The following CYP2B6 variants were observed in gnomAD, a reference collection of about 807,000 sequenced individuals.
CYP2B6 encodes the protein cytochrome P450 2B6.
A neutral mutation model predicts 43.4 loss-of-function variants in CYP2B6; 35 were observed. The observed-to-expected ratio is 0.81, with a 90% CI of 0.62 to 1.07. The LOEUF is 1.07. Ranked by LOEUF, CYP2B6 falls within the 50% of genes least tolerant of loss-of-function variation. The pLI, the probability that CYP2B6 is intolerant of heterozygous loss-of-function variation, is 0.00. For missense variants in CYP2B6, 624 were observed against 632.8 expected (o/e 0.99, Z 0.15); for synonymous variants, 239 against 239.2 (o/e 1.00, Z 0.01).
intron 8 of CYP2B6, among the ~76,000 whole-genome samples, chr19:41,014,975 T>C (rs563177438): frequency 6.6e-6 from 1 of 151,640 alleles, no homozygotes; most frequent in Non-Finnish European, 1.5e-5. Flanking sequence ...AAATAAGGTA[T>C]CTTTAGAGGG....
At chr19:41,007,133 A>T in intron 4 of CYP2B6, 68 bp downstream of exon 4, 2 of 1,502,434 alleles carry the variant, frequency 1.3e-6, no homozygotes, top group Non-Finnish European at 9.3e-7. Flanking sequence ...CGAGAAAAGG[A>T]TGACCTGTCT....
chr19:41,016,433 A>AAAAAAG, intron 8 of CYP2B6, among the ~76,000 whole-genome samples: 1 of 99,006 alleles, frequency 1.0e-5, no homozygotes, highest in South Asian at 3.3e-4. Context: ...AAAAAAAAAA[A>AAAAAAG]AGAGAGAGAG....
At position 41,011,818 on chromosome 19, in the gene CYP2B6, T is replaced by A. The variant is rs537859316; in HGVS notation, c.965-480T>A. ...ATTAGATTTCAAGCAGTGAGAATTC[T>A]TGTTGCTTCCTCCCTCCTCCCCTCA... On this transcript the variant is annotated intron_variant, in intron 6 of 8. Coordinates refer to ENST00000324071, the MANE Select transcript of CYP2B6 (RefSeq NM_000767.5). Among the ~76,000 whole-genome samples the A allele has an allele frequency of 3.3e-5, 5 of 152,298 alleles. No individual in the cohort carries two copies. The South Asian group carries it at 1.0e-3, about 32-fold the overall frequency.
At position 41,010,094 on chromosome 19, in the gene CYP2B6, G is replaced by A. The variant is rs758750908; in HGVS notation, c.923G>A (p.Arg308His). ...AGTETTSTTL[R>H]YGFLLMLKYP... ...ACTGAGACCACCAGCACCACTCTCC[G>A]CTACGGCTTCCTGCTCATGCTCAAA... Residue 308 changes from arginine to histidine, a missense_variant, in exon 6 of 9, where the codon CGC becomes CAC. Coordinates refer to ENST00000324071, the MANE Select transcript of CYP2B6 (RefSeq NM_000767.5). 1.5e-5 allele frequency: 24 copies of A among 1,613,818 alleles called. No homozygotes were observed. Among genetic ancestry groups the A allele is most frequent in the South Asian group, 4.4e-5 (4 of 91,078 alleles).
chr19:41,004,428 G>C lies in CYP2B6; in HGVS notation c.466G>C (p.Glu156Gln). The C allele has an allele frequency of 6.2e-7, 1 of 1,613,896 alleles. No homozygotes were observed. The highest frequency in any genetic ancestry group is 8.5e-7 in the Non-Finnish European group (1 of 1,179,990). ...IQEEAQCLIE[E>Q]LRKSKGALMD... ...GGAGGAGGCTCAGTGTCTGATAGAG[G>C]AGCTTCGGAAATCCAAGGGTGAGTC... Residue 156 changes from glutamate to glutamine, a missense_variant, in exon 3 of 9, where the codon GAG (glutamate) becomes CAG (glutamine). Physicochemically the swap from Glu to Gln is conservative, Grantham distance 29 (BLOSUM62 2). Coordinates refer to ENST00000324071, the MANE Select transcript of CYP2B6 (RefSeq NM_000767.5).
intron 4 of CYP2B6, 58 bp downstream of exon 4, chr19:41,007,123 C>T (rs944425202): frequency 1.2e-5 from 18 of 1,540,016 alleles, no homozygotes; most frequent in Admixed American, 1.7e-5. Context: ...CCAGAACACA[C>T]GAGAAAAGGA....
chr19:41,001,119 T>C (rs538464067), intron 1 of CYP2B6, among the ~76,000 whole-genome samples: 1 of 152,110 alleles, frequency 6.6e-6, no homozygotes, highest in African/African-American at 2.4e-5. Context: ...ATTTGTCCAG[T>C]GGCACACAAC....
At chr19:40,997,969 G>T (rs1435189664) in intron 1 of CYP2B6, among the ~76,000 whole-genome samples, 1 of 152,062 alleles carries the variant, frequency 6.6e-6, no homozygotes, top group Non-Finnish European at 1.5e-5. Context: ...AGGCATGGTG[G>T]CATGTGCCTG....
chr19:40,991,472 T>G lies in CYP2B6; in HGVS notation c.167T>G (p.Leu56Arg). The G allele has an allele frequency of 3.1e-6, 5 of 1,613,734 alleles. No homozygotes were observed. The highest frequency in any genetic ancestry group is 4.2e-6 in the Non-Finnish European group (5 of 1,180,012). The change falls in exon 1 of 9, where the codon CTG (leucine) becomes CGG (arginine). Residue 56 changes from leucine to arginine, a missense_variant. By Grantham distance (102) the Leu-to-Arg change is moderately radical. Transcript: ENST00000324071. ...AGAAGAGGCCTACTCAAATCCTTTC[T>G]GAGGGTAAGACACAGACGAATGGGG... Reference protein sequence around the residue: ...MDRRGLLKSFLRFREKYGDVF... With the variant: ...MDRRGLLKSFRRFREKYGDVF...
At chr19:41,008,549 G>T (rs34265963) in intron 4 of CYP2B6, among the ~76,000 whole-genome samples, 79 of 146,868 alleles carry the variant, frequency 5.4e-4, no homozygotes, top group African/African-American at 1.9e-3. Context: ...TCTGGGATGG[G>T]GCCCAAGGTG....
chr19:40,994,661 C>T (rs1229397233), intron 1 of CYP2B6, among the ~76,000 whole-genome samples: 1 of 152,050 alleles, frequency 6.6e-6, no homozygotes, highest in Non-Finnish European at 1.5e-5. Flanking sequence ...ATTACACACG[C>T]AATTGCCCAC....
At chr19:41,012,255 T>A (rs775404927) in intron 6 of CYP2B6, 43 bp from the exon 7 acceptor site, 5 of 1,600,886 alleles carry the variant, frequency 3.1e-6, no homozygotes, top group Non-Finnish European at 4.3e-6. Context: ...TGGCCTGAAA[T>A]GCCTCTTTAA....
At chr19:40,996,664 AT>A (rs1432165935) in intron 1 of CYP2B6, among the ~76,000 whole-genome samples, 2 of 152,092 alleles carry the variant, frequency 1.3e-5, no homozygotes, top group African/African-American at 4.8e-5. Context: ...TGTTTGGATC[AT>A]TTTCTCTCTT....
At chr19:41,010,572 C>A (rs1458808290) in intron 6 of CYP2B6, among the ~76,000 whole-genome samples, 1 of 151,944 alleles carries the variant, frequency 6.6e-6, no homozygotes, top group South Asian at 2.1e-4. Flanking sequence ...TGCCACCACA[C>A]CCGGCTAATT....
Position 41,002,981 on chromosome 19 carries a change from G to A in CYP2B6, c.172-1020G>A, listed in dbSNP as rs528514074. On this transcript the variant is annotated intron_variant, in intron 1 of 8. Transcript: ENST00000324071. Reference sequence around the variant, plus strand: ...CTGTGGTTTGTTCTTTTTTGTTGCTGTATACTAGTCTATTGTGAGAACCCT... The same window carrying A: ...CTGTGGTTTGTTCTTTTTTGTTGCTATATACTAGTCTATTGTGAGAACCCT... Among the ~76,000 whole-genome samples, 11 of 152,190 alleles carry A rather than the reference G, an allele frequency of 7.2e-5. No homozygotes were observed. In the East Asian group the frequency reaches 1.9e-3, roughly 27 times the overall value.
chr19:41,011,376 C>G (rs1299595708), intron 6 of CYP2B6, among the ~76,000 whole-genome samples: 4 of 152,134 alleles, frequency 2.6e-5, no homozygotes, highest in African/African-American at 9.7e-5. Flanking sequence ...TGTGATTATT[C>G]ATTAATTGGG....
chr19:41,013,811 G>T (rs1295086826), intron 8 of CYP2B6, among the ~76,000 whole-genome samples: 1 of 152,150 alleles, frequency 6.6e-6, no homozygotes, highest in Non-Finnish European at 1.5e-5. Context: ...GGCAGCACAA[G>T]GAACCAGTAA....
intron 8 of CYP2B6, chr19:41,013,144 A>G (rs1389896740): frequency 1.6e-5 from 5 of 315,942 alleles, no homozygotes; most frequent in South Asian, 7.0e-5. Flanking sequence ...TAATGCATCA[A>G]ACAAGTCACA....
intron 6 of CYP2B6, among the ~76,000 whole-genome samples, chr19:41,011,835 C>T (rs1379218150): frequency 1.3e-5 from 2 of 152,140 alleles, no homozygotes; most frequent in Non-Finnish European, 2.9e-5. Context: ...TTCCTCCCTC[C>T]TCCCCTCACC....
Sources: gnomAD v4.1 joint callset for allele counts (sites outside exome capture counted in the v4.1 genomes callset) on GRCh38, gnomAD v4.1.1 for gene constraint, MANE v1.5 for transcripts, NCBI Gene and HGNC (gene_info 2026-07-23, HGNC 2026-07-21) for gene names.